Variants in INKA2 observed in about 807,000 individuals in gnomAD.
INKA2 encodes inka box actin regulator 2.
A neutral mutation model predicts 9.8 loss-of-function variants in INKA2; 3 were observed. The ratio of observed to expected loss-of-function variants is 0.31; its 90% CI spans 0.14 to 0.79. The LOEUF (loss-of-function observed/expected upper bound fraction) is 0.79, where lower values mean the gene tolerates loss of function less well. Among genes scored for constraint, INKA2 ranks in the 30% least tolerant of loss-of-function variants. The pLI, the probability that INKA2 is intolerant of heterozygous loss-of-function variation, is 0.62. For missense variants in INKA2, 392 were observed against 384.4 expected, an observed-to-expected ratio of 1.02 and a Z score of -0.17; for synonymous variants, 147 against 143.3, an observed-to-expected ratio of 1.03 and a Z score of -0.18.
intron 1 of INKA2, among the ~76,000 whole-genome samples, chr1:111,734,230 T>C (rs1662966155): frequency 6.6e-6 from 1 of 151,304 alleles, no homozygotes. Flanking sequence ...TATGGGGGTC[T>C]GCTTAGGCAA....
At chr1:111,729,834 G>C (rs923485409) in intron 1 of INKA2, among the ~76,000 whole-genome samples, 1 of 152,236 alleles carries the variant, frequency 6.6e-6, no homozygotes, top group African/African-American at 2.4e-5. Context: ...CCTGGCCCTG[G>C]GGGGGATGGG....
At chr1:111,751,278 C>T (rs1025032959) in intron 1 of INKA2, among the ~76,000 whole-genome samples, 4 of 152,240 alleles carry the variant, frequency 2.6e-5, no homozygotes, top group Admixed American at 6.5e-5. Context: ...AAAGCTATTG[C>T]TCTTTGAATA....
intron 1 of INKA2, among the ~76,000 whole-genome samples, chr1:111,732,825 T>A (rs2101366319): frequency 6.6e-6 from 1 of 152,240 alleles, no homozygotes; most frequent in African/African-American, 2.4e-5. Flanking sequence ...TTCCTCACTG[T>A]ATTAGAGCTG....
intron 1 of INKA2, among the ~76,000 whole-genome samples, chr1:111,737,120 G>A (rs896125454): frequency 1.3e-5 from 2 of 152,072 alleles, no homozygotes; most frequent in Admixed American, 6.5e-5. Flanking sequence ...CCAGGCATTC[G>A]GCTTCCTCTC....
In INKA2 at chr1:111,739,253, G is replaced by T. The variant is rs778414607; in HGVS notation, c.-11C>A. 2 of 1,613,678 alleles carry T rather than the reference G, an allele frequency of 1.2e-6. No individual in the cohort carries two copies. The highest frequency in any genetic ancestry group is 1.1e-5 in the South Asian group (1 of 91,072). On this transcript the variant is annotated 5_prime_UTR_variant, in exon 1 of 2. Transcript: ENST00000357260. ...GCTCTCCATCGTCATGCGCCCATTT[G>T]TCGGGTTCGGTTCAAACAGAGAGGG...
chr1:111,748,097 C>G (rs1405049402), intron 1 of INKA2, among the ~76,000 whole-genome samples: 1 of 152,210 alleles, frequency 6.6e-6, no homozygotes, highest in Non-Finnish European at 1.5e-5. Flanking sequence ...GTTACAATGG[C>G]CTTGTGACCT....
chr1:111,740,061 G>C (rs1219884122), upstream of INKA2: 1 of 152,334 alleles, frequency 6.6e-6, no homozygotes, highest in African/African-American at 2.4e-5. Context: ...GGAGAGAAGG[G>C]GAGACAAGAT....
intron 1 of INKA2, among the ~76,000 whole-genome samples, chr1:111,728,279 G>GA (rs1662836997): frequency 1.3e-5 from 2 of 152,116 alleles, no homozygotes; most frequent in South Asian, 2.1e-4. Context: ...GATGATGGCG[G>GA]AAAAAACAAT....
intron 1 of INKA2, among the ~76,000 whole-genome samples, chr1:111,733,610 T>C (rs1367853659): frequency 6.6e-6 from 1 of 152,172 alleles, no homozygotes; most frequent in African/African-American, 2.4e-5. Flanking sequence ...TGCCTGGGGC[T>C]GGAGGGGAAG....
In INKA2 at chr1:111,726,698, C is replaced by T. The variant is rs1571588890; in HGVS notation, c.*270G>A. Reference sequence around the variant, plus strand: ...CCAAAGTGAGTGCATGCATGCCAGACAGACACACACATGCACACACACACA... The same window carrying T: ...CCAAAGTGAGTGCATGCATGCCAGATAGACACACACATGCACACACACACA... On this transcript the variant is annotated 3_prime_UTR_variant, in exon 2 of 2. Coordinates refer to ENST00000357260, the MANE Select transcript of INKA2 (RefSeq NM_019099.5). 1 of 476,988 alleles carries T rather than the reference C, an allele frequency of 2.1e-6. No individual in the cohort carries two copies. Among genetic ancestry groups the T allele is most frequent in the East Asian group, 3.8e-5 (1 of 26,412 alleles). The allele number at this position is 476,988 out of a possible 1,614,324, so 29.5% of individuals were successfully genotyped here.
At position 111,727,498 on chromosome 1, in the gene INKA2, T is replaced by TC. The variant is rs1459067511; in HGVS notation, c.363dup (p.Thr122AspfsTer19). 6 of 1,614,230 alleles carry TC rather than the reference T, an allele frequency of 3.7e-6. No individual in the cohort carries two copies. Among genetic ancestry groups the TC allele is most frequent in the Non-Finnish European group, 5.1e-6 (6 of 1,180,040 alleles). The stretch of plus-strand genomic sequence containing the variant: ...TGAGCACAGCTTTGATGTGGCTGTG[T>TC]CCTGGGCAAGGGGGCTAAATCCCTT... On this transcript the variant is annotated frameshift_variant, in exon 2 of 2. Coordinates refer to ENST00000357260, the MANE Select transcript of INKA2 (RefSeq NM_019099.5). LOFTEE classifies it low-confidence loss of function (END_TRUNC).
intron 1 of INKA2, chr1:111,745,535 C>T (rs935164334): frequency 6.6e-6 from 1 of 151,640 alleles, no homozygotes; most frequent in Non-Finnish European, 1.5e-5. Context: ...CTCCTGAGCT[C>T]AAGCAATCTG....
rs1219482867 is a variant in INKA2 at position 111,722,833 on chromosome 1, T to G, written c.*4135A>C. 2.1e-6 allele frequency: 1 copy of G among 477,112 alleles called. No individual in the cohort carries two copies. The highest frequency in any genetic ancestry group is 3.7e-6 in the Non-Finnish European group (1 of 269,762). The allele number at this position is 477,112 out of a possible 1,614,324, so 29.6% of individuals were successfully genotyped here. On this transcript the variant is annotated 3_prime_UTR_variant, in exon 2 of 2. Coordinates refer to ENST00000357260, the MANE Select transcript of INKA2 (RefSeq NM_019099.5). ...GAAAGCACTTTTTCTTAAGCACTTT[T>G]GCCTTGGGTCACATGGTTAGTGCCT...
chr1:111,725,926 G>A lies in INKA2; in HGVS notation c.*1042C>T, dbSNP rs902161260. The A allele has an allele frequency of 5.3e-5, 20 of 376,708 alleles. No homozygotes were observed. The South Asian group carries it at 1.4e-3, about 27-fold the overall frequency. The allele number at this position is 376,708 out of a possible 1,614,324, so 23.3% of individuals were successfully genotyped here. On this transcript the variant is annotated 3_prime_UTR_variant, in exon 2 of 2. Transcript: ENST00000357260. ...TTTTACGTATTTTTTTAGTAGAGACGGGGTTTCACCATGTTGGCCAGGCTG... is the reference window on the plus strand; with the variant it reads ...TTTTACGTATTTTTTTAGTAGAGACAGGGTTTCACCATGTTGGCCAGGCTG...
At position 111,749,682 on chromosome 1, in the gene INKA2, C is replaced by A. The variant is rs560815885; in HGVS notation, n.124+6019G>T. 5.3e-5 allele frequency among the ~76,000 whole-genome samples: 8 copies of A among 152,220 alleles called. No individual in the cohort carries two copies. The South Asian group carries it at 1.7e-3, about 32-fold the overall frequency. On this transcript the variant is annotated intron_variant and non_coding_transcript_variant, in intron 1 of 1. Coordinates refer to the INKA2 transcript ENST00000444059. ...TCTTTTTCTTTTTGCTCCTTTGTGT[C>A]ACATTCTTCCATCGGTCAGCAGGCA... is the stretch of plus-strand genomic sequence containing the variant.
At chr1:111,753,509 C>T (rs1262388964) in intron 1 of INKA2, among the ~76,000 whole-genome samples, 1 of 152,210 alleles carries the variant, frequency 6.6e-6, no homozygotes, top group African/African-American at 2.4e-5. Flanking sequence ...ATATTTGTGT[C>T]TGTAAAACAT....
intron 1 of INKA2, among the ~76,000 whole-genome samples, chr1:111,733,945 C>T (rs568860077): frequency 5.6e-4 from 85 of 152,298 alleles, no homozygotes; most frequent in African/African-American, 2.0e-3. Flanking sequence ...CTTCCCCCAC[C>T]CCATTACTCA....
intron 1 of INKA2, chr1:111,745,268 TATATA>T (rs1663238922): frequency 2.7e-5 from 1 of 36,680 alleles, no homozygotes; most frequent in Non-Finnish European, 5.0e-5. Flanking sequence ...AGAGATATTA[TATATA>T]TATATATATA....
intron 1 of INKA2, among the ~76,000 whole-genome samples, chr1:111,731,489 T>G (rs12090316): frequency 0.018 from 2,728 of 152,186 alleles, 65 homozygotes; most frequent in African/African-American, 0.062. Context: ...TAGCTGGGAC[T>G]ACAGGCACAG....
Sources: gnomAD v4.1 joint callset for allele counts (sites outside exome capture counted in the v4.1 genomes callset) on GRCh38, gnomAD v4.1.1 for gene constraint, MANE v1.5 for transcripts, NCBI Gene and HGNC (gene_info 2026-07-23, HGNC 2026-07-21) for gene names.